The following BLTP3B variants were observed in gnomAD, a reference collection of about 807,000 sequenced individuals.
BLTP3B encodes bridge-like lipid transfer protein family member 3B.
At chr12:100,057,560 C>T in the BLTP3B span, 1 of 1,599,640 alleles carries the variant, frequency 6.3e-7, no homozygotes, top group South Asian at 1.1e-5. Context: ...TAAGCCGTAT[C>T]ATAACTTTAC....
chr12:100,130,431 C>T, the BLTP3B span, among the ~76,000 whole-genome samples: 1 of 152,160 alleles, frequency 6.6e-6, no homozygotes, highest in Admixed American at 6.5e-5. Flanking sequence ...ATTCCTATAT[C>T]TTAATTTTAT....
the BLTP3B span, chr12:100,142,567 C>A: frequency 1.9e-6 from 3 of 1,604,660 alleles, no homozygotes; most frequent in African/African-American, 4.1e-5. Flanking sequence ...GGCCGACTGG[C>A]GCCGACACCG....
chr12:100,084,756 A>G, the BLTP3B span: 1 of 1,282,196 alleles, frequency 7.8e-7, no homozygotes, highest in Non-Finnish European at 1.1e-6. Context: ...TTTATTCAAG[A>G]AAGACTTTGA....
the BLTP3B span, chr12:100,057,882 T>C: frequency 7.7e-7 from 1 of 1,297,058 alleles, no homozygotes. Flanking sequence ...TCAAAGTGTT[T>C]TCATATTTTG....
chr12:100,047,555 A>G, the BLTP3B span: 1 of 1,612,168 alleles, frequency 6.2e-7, no homozygotes, highest in Non-Finnish European at 8.5e-7. Flanking sequence ...AGCCATCGTC[A>G]CTTCTCTCTA....
chr12:100,093,325 TAGAC>T, the BLTP3B span, among the ~76,000 whole-genome samples: 5 of 152,246 alleles, frequency 3.3e-5, no homozygotes, highest in East Asian at 5.8e-4. Context: ...TTCACATAAA[TAGAC>T]AGATTGGAAG....
the BLTP3B span, among the ~76,000 whole-genome samples, chr12:100,061,075 A>G: frequency 1.4e-4 from 22 of 152,242 alleles, no homozygotes; most frequent in Admixed American, 3.3e-4. Context: ...AGTTTATTAC[A>G]TGAGACATAT....
the BLTP3B span, among the ~76,000 whole-genome samples, chr12:100,070,794 G>A: frequency 6.6e-6 from 1 of 151,966 alleles, no homozygotes; most frequent in Non-Finnish European, 1.5e-5. Flanking sequence ...TAGAGCTCAA[G>A]ACCAGCTTGG....
At chr12:100,097,717 T>C in the BLTP3B span, among the ~76,000 whole-genome samples, 1 of 152,224 alleles carries the variant, frequency 6.6e-6, no homozygotes, top group African/African-American at 2.4e-5. Flanking sequence ...GTAAAGCTGT[T>C]AATACTTTTA....
chr12:100,064,424 A>G, the BLTP3B span, among the ~76,000 whole-genome samples: 8,587 of 152,236 alleles, frequency 0.056, 790 homozygotes, highest in African/African-American at 0.19. Context: ...TCCAAACACA[A>G]GAAGCACAAA....
At chr12:100,087,695 T>C in the BLTP3B span, among the ~76,000 whole-genome samples, 1 of 152,246 alleles carries the variant, frequency 6.6e-6, no homozygotes, top group African/African-American at 2.4e-5. Context: ...CCTTTTGGAT[T>C]TCACAATAGT....
At chr12:100,120,874 A>C in the BLTP3B span, among the ~76,000 whole-genome samples, 31 of 152,194 alleles carry the variant, frequency 2.0e-4, no homozygotes, top group Non-Finnish European at 4.0e-4. Context: ...TATTTCTAAT[A>C]GCTGACAAAC....
the BLTP3B span, among the ~76,000 whole-genome samples, chr12:100,040,092 T>C: frequency 1.1e-4 from 16 of 152,340 alleles, no homozygotes; most frequent in South Asian, 2.5e-3. Context: ...TAAAGGCTTA[T>C]TATTAGATTA....
At chr12:100,060,398 C>G in the BLTP3B span, among the ~76,000 whole-genome samples, 2 of 152,086 alleles carry the variant, frequency 1.3e-5, no homozygotes, top group South Asian at 4.1e-4. Context: ...AAGAAGCAAA[C>G]CTCTAAAAAC....
chr12:100,133,835 C>T, the BLTP3B span, among the ~76,000 whole-genome samples: 10 of 152,288 alleles, frequency 6.6e-5, no homozygotes, highest in South Asian at 1.4e-3. Context: ...TCCCTTTCCA[C>T]GGTCTCAGTT....
the BLTP3B span, among the ~76,000 whole-genome samples, chr12:100,139,337 C>G: frequency 3.2e-4 from 49 of 152,298 alleles, 1 homozygote; most frequent in Middle Eastern, 3.4e-3. Context: ...GTCCCTTCAT[C>G]CAGGCAAAGA....
At chr12:100,138,512 T>C in the BLTP3B span, among the ~76,000 whole-genome samples, 2 of 152,214 alleles carry the variant, frequency 1.3e-5, no homozygotes, top group Non-Finnish European at 2.9e-5. Context: ...CTGGCCTCTA[T>C]TCACTAGATG....
the BLTP3B span, chr12:100,059,337 C>T: frequency 3.1e-6 from 5 of 1,613,962 alleles, no homozygotes; most frequent in Non-Finnish European, 3.4e-6. Flanking sequence ...AAAATTGTCA[C>T]AAGATTTGGG....
At chr12:100,059,408 T>C in the BLTP3B span, 1 of 1,614,058 alleles carries the variant, frequency 6.2e-7, no homozygotes, top group South Asian at 1.1e-5. Context: ...ACAAAGCTTC[T>C]AGGTCAGAAT....
Sources: allele counts gnomAD v4.1 joint callset (sites outside exome capture counted in the v4.1 genomes callset), GRCh38; gene constraint gnomAD v4.1.1; transcripts MANE v1.5; gene names NCBI Gene and HGNC (gene_info 2026-07-23, HGNC 2026-07-21).